GRIN2A: variants seen among roughly 807,000 people sequenced by gnomAD.
The protein encoded by GRIN2A is glutamate receptor ionotropic, NMDA 2A.
Under a neutral mutation model 113.4 loss-of-function variants are expected in GRIN2A, and 22 were observed. The observed-to-expected ratio is 0.19, with a 90% CI of 0.14 to 0.28. The LOEUF is 0.28. Ranked by LOEUF, GRIN2A falls within the 10% of genes least tolerant of loss-of-function variation. GRIN2A has a pLI of 1.00. For missense variants in GRIN2A, 1,502 were observed against 1,887.0 expected, an observed-to-expected ratio of 0.80 and a Z score of 3.78; for synonymous variants, 827 against 738.4, an observed-to-expected ratio of 1.12 and a Z score of -1.94.
At chr16:10,110,308 G>A (rs1447256462) in intron 2 of GRIN2A, among the ~76,000 whole-genome samples, 3 of 152,188 alleles carry the variant, frequency 2.0e-5, no homozygotes, top group African/African-American at 4.8e-5. Context: ...GGTAATGGAT[G>A]AGACTGGAGA....
intron 2 of GRIN2A, among the ~76,000 whole-genome samples, chr16:10,037,946 C>T (rs1261931725): frequency 6.6e-6 from 1 of 152,208 alleles, no homozygotes; most frequent in African/African-American, 2.4e-5. Context: ...CCCTCTCCCA[C>T]ACCCAGCAGT....
At chr16:9,821,333 GGTC>G (rs1442592377) in intron 10 of GRIN2A, among the ~76,000 whole-genome samples, 1 of 151,758 alleles carries the variant, frequency 6.6e-6, no homozygotes, top group East Asian at 1.9e-4. Flanking sequence ...TGCATTCCTG[GGTC>G]TACATCCAGG....
intron 3 of GRIN2A, among the ~76,000 whole-genome samples, chr16:9,927,025 G>T (rs1223587759): frequency 6.6e-6 from 1 of 151,876 alleles, no homozygotes; most frequent in Non-Finnish European, 1.5e-5. Flanking sequence ...TTAACTTCTG[G>T]CTCCATTTTA....
chr16:10,030,953 T>C (rs1034409110), intron 2 of GRIN2A, among the ~76,000 whole-genome samples: 4 of 152,206 alleles, frequency 2.6e-5, no homozygotes, highest in Non-Finnish European at 5.9e-5. Flanking sequence ...GTATGTCTCA[T>C]GCACCATCTA....
At chr16:10,054,733 A>G (rs1004622037) in intron 2 of GRIN2A, among the ~76,000 whole-genome samples, 1 of 152,182 alleles carries the variant, frequency 6.6e-6, no homozygotes, top group Non-Finnish European at 1.5e-5. Flanking sequence ...ATAAATCTCA[A>G]TAACATAATA....
chr16:9,913,847 G>A (rs1263957343), intron 3 of GRIN2A, among the ~76,000 whole-genome samples: 1 of 152,090 alleles, frequency 6.6e-6, no homozygotes, highest in Admixed American at 6.5e-5. Flanking sequence ...TTAAAATGTA[G>A]AAGGCAGATA....
intron 2 of GRIN2A, among the ~76,000 whole-genome samples, chr16:10,080,391 G>C (rs1270971602): frequency 6.6e-6 from 1 of 152,180 alleles, no homozygotes; most frequent in Non-Finnish European, 1.5e-5. Flanking sequence ...AGAAAGCGAA[G>C]GTGGAAGGGA....
At chr16:10,023,183 C>G (rs927937472) in intron 2 of GRIN2A, among the ~76,000 whole-genome samples, 1 of 152,144 alleles carries the variant, frequency 6.6e-6, no homozygotes, top group African/African-American at 2.4e-5. Context: ...GAGTTGGCAA[C>G]AAACAAAAAG....
intron 5 of GRIN2A, among the ~76,000 whole-genome samples, chr16:9,842,641 A>T (rs1322040742): frequency 6.6e-6 from 1 of 152,224 alleles, no homozygotes; most frequent in Non-Finnish European, 1.5e-5. Flanking sequence ...AAAAACAATG[A>T]AATATGAAGC....
intron 4 of GRIN2A, among the ~76,000 whole-genome samples, chr16:9,875,085 C>A (rs997642655): frequency 0.051 from 8 of 156 alleles, no homozygotes; most frequent in Non-Finnish European, 0.098. Context: ...TGGCCTTGAC[C>A]TATGGGCTCA....
intron 2 of GRIN2A, among the ~76,000 whole-genome samples, chr16:10,044,564 A>T (rs1357014316): frequency 6.6e-6 from 1 of 151,274 alleles, no homozygotes; most frequent in Non-Finnish European, 1.5e-5. Flanking sequence ...TTTAATATAC[A>T]TCCTATTGCT....
chr16:9,797,616 G>A (rs537693642), intron 11 of GRIN2A, among the ~76,000 whole-genome samples: 99 of 152,152 alleles, frequency 6.5e-4, no homozygotes, highest in Non-Finnish European at 1.3e-3. Flanking sequence ...CGTGAGTCAT[G>A]CCTGATAAGT....
intron 4 of GRIN2A, among the ~76,000 whole-genome samples, chr16:9,878,827 A>G (rs1349350386): frequency 6.6e-6 from 1 of 151,784 alleles, no homozygotes; most frequent in Non-Finnish European, 1.5e-5. Context: ...AACAACAACA[A>G]CAGCAACAAC....
chr16:10,146,117 T>C (rs2049433847), intron 2 of GRIN2A, among the ~76,000 whole-genome samples: 1 of 152,138 alleles, frequency 6.6e-6, no homozygotes, highest in African/African-American at 2.4e-5. Flanking sequence ...CTCATCCATT[T>C]ATTCAACATT....
At chr16:9,936,414 T>C (rs2044714825) in intron 3 of GRIN2A, among the ~76,000 whole-genome samples, 1 of 152,158 alleles carries the variant, frequency 6.6e-6, no homozygotes, top group South Asian at 2.1e-4. Flanking sequence ...ATACAGAAAG[T>C]GGACGAGACA....
At chr16:9,987,636 C>A (rs1383213948) in intron 2 of GRIN2A, among the ~76,000 whole-genome samples, 1 of 152,168 alleles carries the variant, frequency 6.6e-6, no homozygotes, top group African/African-American at 2.4e-5. Context: ...ATTAGACATT[C>A]AAATTCTGTA....
intron 2 of GRIN2A, among the ~76,000 whole-genome samples, chr16:9,965,617 C>A (rs1229306671): frequency 6.6e-6 from 1 of 152,194 alleles, no homozygotes; most frequent in African/African-American, 2.4e-5. Context: ...AGGAAGCCAA[C>A]AGTCCATCTC....
chr16:10,069,066 A>G (rs1167978466), intron 2 of GRIN2A, among the ~76,000 whole-genome samples: 1 of 152,120 alleles, frequency 6.6e-6, no homozygotes, highest in Admixed American at 6.5e-5. Flanking sequence ...GGTTCTAGCC[A>G]CCAAGATGTC....
intron 2 of GRIN2A, among the ~76,000 whole-genome samples, chr16:10,016,873 G>C (rs2141884659): frequency 6.6e-6 from 1 of 152,288 alleles, no homozygotes; most frequent in African/African-American, 2.4e-5. Flanking sequence ...ATGAGCAGCA[G>C]GATGGAGCTG....
Sources: allele counts gnomAD v4.1 joint callset (sites outside exome capture counted in the v4.1 genomes callset), GRCh38; gene constraint gnomAD v4.1.1; transcripts MANE v1.5; gene names NCBI Gene and HGNC (gene_info 2026-07-23, HGNC 2026-07-21).